The following DIAPH3 variants were observed in gnomAD, a reference collection of about 807,000 sequenced individuals.
DIAPH3 encodes protein diaphanous homolog 3.
Under a neutral mutation model 144.3 loss-of-function variants are expected in DIAPH3, and 117 were observed. That is an observed-to-expected ratio of 0.81 (90% confidence interval 0.70 to 0.95). The LOEUF is 0.95. Ranked by LOEUF, DIAPH3 falls within the 40% of genes least tolerant of loss-of-function variation. DIAPH3 has a pLI of 0.00. For missense variants in DIAPH3, 1,421 were observed against 1,412.7 expected (o/e 1.01, Z -0.09); for synonymous variants, 519 against 488.9 (o/e 1.06, Z -0.81).
chr13:60,096,287 T>C (rs1301920626), intron 3 of DIAPH3, among the ~76,000 whole-genome samples: 1 of 152,212 alleles, frequency 6.6e-6, no homozygotes, highest in Admixed American at 6.5e-5. Flanking sequence ...ATACTTAATA[T>C]ACACAGAATA....
At chr13:60,089,430 C>T (rs1381650016) in intron 4 of DIAPH3, among the ~76,000 whole-genome samples, 3 of 152,074 alleles carry the variant, frequency 2.0e-5, no homozygotes, top group Non-Finnish European at 4.4e-5. Flanking sequence ...CTATTAAATA[C>T]ATCTATATTT....
intron 27 of DIAPH3, among the ~76,000 whole-genome samples, chr13:59,751,328 A>G (rs2036997785): frequency 6.6e-6 from 1 of 152,260 alleles, no homozygotes; most frequent in Admixed American, 6.5e-5. Flanking sequence ...TTAATTAACA[A>G]GAACTGATTT....
At chr13:59,832,758 A>C (rs1159359272) in intron 24 of DIAPH3, among the ~76,000 whole-genome samples, 1 of 151,824 alleles carries the variant, frequency 6.6e-6, no homozygotes, top group African/African-American at 2.4e-5. Context: ...ATTTGGTAAA[A>C]TTATATCACA....
At chr13:60,113,847 C>T (rs1418804131) in intron 2 of DIAPH3, among the ~76,000 whole-genome samples, 8 of 152,134 alleles carry the variant, frequency 5.3e-5, no homozygotes, top group Admixed American at 3.3e-4. Flanking sequence ...TTCAAGGAGC[C>T]CCACATGAAG....
chr13:59,927,625 C>T (rs1450273874), intron 17 of DIAPH3, among the ~76,000 whole-genome samples: 1 of 152,206 alleles, frequency 6.6e-6, no homozygotes, highest in Middle Eastern at 3.4e-3. Context: ...CTATTTCTCC[C>T]TCACCTGTGA....
chr13:60,016,623 A>G (rs2053670010), intron 5 of DIAPH3, among the ~76,000 whole-genome samples: 2 of 152,210 alleles, frequency 1.3e-5, no homozygotes, highest in African/African-American at 4.8e-5. Context: ...CAACATAAAG[A>G]AAAAGATTAC....
Position 59,839,345 on chromosome 13 carries a change from G to A in DIAPH3, c.2841C>T (p.Asp947=), listed in dbSNP as rs1238951901. The change falls in exon 23 of 28, where the codon GAC becomes GAT. Residue 947 remains aspartate, a synonymous_variant. Transcript: ENST00000400324. ...ETFPPPEDLH[D]KFVTKMSRFV... ...ATATGGACATCTTTGTCACAAACTT[G>A]TCATGCAAGTCCTCAGGAGGGGGAA... 6 of 1,613,452 alleles carry A rather than the reference G, an allele frequency of 3.7e-6. No individual in the cohort carries two copies. In the South Asian group the frequency reaches 6.6e-5, roughly 18 times the overall value.
At chr13:59,953,685 G>A (rs1396681362) in intron 17 of DIAPH3, among the ~76,000 whole-genome samples, 1 of 152,176 alleles carries the variant, frequency 6.6e-6, no homozygotes, top group Non-Finnish European at 1.5e-5. Context: ...GAGCAGAAAA[G>A]TAACAAGGAG....
chr13:60,011,649 C>T (rs943003011), intron 7 of DIAPH3, among the ~76,000 whole-genome samples: 6 of 152,146 alleles, frequency 3.9e-5, no homozygotes, highest in South Asian at 2.1e-4. Flanking sequence ...TCAGAAGCCA[C>T]ATGTAGCTAC....
chr13:60,141,372 G>A lies in DIAPH3; in HGVS notation c.181-8383C>T, dbSNP rs538072614. On this transcript the variant is annotated intron_variant, in intron 1 of 27. Transcript: ENST00000400324. Reference sequence around the variant, plus strand: ...TGTGAGACACATCATTAAATATGAAGACCCAGTCTCTCCCCTTACAAGCTT... The same window carrying A: ...TGTGAGACACATCATTAAATATGAAAACCCAGTCTCTCCCCTTACAAGCTT... Among the ~76,000 whole-genome samples the A allele has an allele frequency of 9.9e-5, 15 of 152,198 alleles. No individual in the cohort carries two copies. In the East Asian group the frequency reaches 2.1e-3, roughly 22 times the overall value.
chr13:59,753,344 T>C (rs1212554072), intron 27 of DIAPH3, among the ~76,000 whole-genome samples: 1 of 152,228 alleles, frequency 6.6e-6, no homozygotes, highest in African/African-American at 2.4e-5. Context: ...TATAAATCAC[T>C]AAACTTCAGA....
intron 9 of DIAPH3, among the ~76,000 whole-genome samples, chr13:60,003,960 TG>T (rs1179673112): frequency 6.6e-6 from 1 of 152,086 alleles, no homozygotes; most frequent in African/African-American, 2.4e-5. Context: ...TAATATCAAA[TG>T]GGGGAAGTGT....
At chr13:59,828,257 C>T (rs1355549918) in intron 24 of DIAPH3, among the ~76,000 whole-genome samples, 5 of 151,938 alleles carry the variant, frequency 3.3e-5, no homozygotes, top group Non-Finnish European at 7.4e-5. Flanking sequence ...CCCCAGCAAC[C>T]AGGCTTTACA....
intron 4 of DIAPH3, among the ~76,000 whole-genome samples, chr13:60,070,896 GGAATT>G (rs1205004479): frequency 2.0e-5 from 3 of 152,080 alleles, no homozygotes; most frequent in Non-Finnish European, 4.4e-5. Flanking sequence ...TGAGAGAAAT[GGAATT>G]GAATTATTTC....
chr13:59,697,895 C>G (rs1334634898), intron 27 of DIAPH3, among the ~76,000 whole-genome samples: 1 of 152,174 alleles, frequency 6.6e-6, no homozygotes, highest in East Asian at 1.9e-4. Flanking sequence ...GGGTTAGATA[C>G]AGTGAATAAT....
chr13:60,044,303 A>T (rs1430014312), intron 4 of DIAPH3: 1 of 152,198 alleles, frequency 6.6e-6, no homozygotes, highest in Non-Finnish European at 1.5e-5. Context: ...TTAATTTACT[A>T]TAATGTTATT....
intron 27 of DIAPH3, among the ~76,000 whole-genome samples, chr13:59,768,158 A>G (rs973664721): frequency 1.3e-5 from 2 of 152,152 alleles, no homozygotes; most frequent in African/African-American, 4.8e-5. Context: ...TTTGACAGCT[A>G]CAGGTAGCAT....
intron 14 of DIAPH3, among the ~76,000 whole-genome samples, chr13:59,978,175 A>G (rs149162091): frequency 1.3e-5 from 2 of 151,730 alleles, no homozygotes; most frequent in Non-Finnish European, 2.9e-5. Flanking sequence ...TTTATTCATC[A>G]CCTTTCCAGT....
chr13:60,074,021 G>C (rs1458560647), intron 4 of DIAPH3, among the ~76,000 whole-genome samples: 1 of 152,124 alleles, frequency 6.6e-6, no homozygotes. Context: ...TATTCTAAAG[G>C]GATATTTTCT....
Sources: gnomAD v4.1 joint callset for allele counts (sites outside exome capture counted in the v4.1 genomes callset) on GRCh38, gnomAD v4.1.1 for gene constraint, MANE v1.5 for transcripts, NCBI Gene and HGNC (gene_info 2026-07-23, HGNC 2026-07-21) for gene names.